The following TAF1A variants were observed in gnomAD, a reference collection of about 807,000 sequenced individuals.
TAF1A encodes the protein TATA-box binding protein associated factor, RNA polymerase I subunit A, also known as TATA box-binding protein-associated factor RNA polymerase I subunit A.
TAF1A carries 42 observed loss-of-function variants against 61.6 expected under a neutral mutation model. The ratio of observed to expected loss-of-function variants is 0.68; its 90% CI spans 0.53 to 0.88. The LOEUF (loss-of-function observed/expected upper bound fraction) is 0.88. Ranked by LOEUF, TAF1A falls within the 40% of genes least tolerant of loss-of-function variation. The pLI is 0.00. For synonymous variants in TAF1A, 179 were observed against 177.7 expected (o/e 1.01, Z -0.06); for missense variants, 424 against 518.7 (o/e 0.82, Z 1.77).
rs534442583 is a variant in TAF1A, at chr1:222,570,541, A to C, written c.729T>G (p.Tyr243Ter). ...TAATGAAAATTCTACTTACTTCTACATAACTCTTCACAAAAGGGTCCCAAA... is the reference window on the plus strand; with the variant it reads ...TAATGAAAATTCTACTTACTTCTACCTAACTCTTCACAAAAGGGTCCCAAA... ...PGVWDPFVKS[Y>*]VEMLEFYGDR... The change falls in exon 6 of 11, where the codon TAT becomes TAG. Residue 243 changes from tyrosine to a stop codon, truncating the protein, a stop_gained. Transcript: ENST00000352967. LOFTEE classifies it high-confidence loss of function. 1.9e-6 allele frequency: 3 copies of C among 1,610,040 alleles called. No individual in the cohort carries two copies. Among genetic ancestry groups the C allele is most frequent in the Non-Finnish European group, 1.7e-6 (2 of 1,177,270 alleles).
chr1:222,580,035 ACTTC>A (rs1474798184), intron 3 of TAF1A, 163 bp from the exon 4 acceptor site: 2 of 744,754 alleles, frequency 2.7e-6, no homozygotes, highest in Admixed American at 7.0e-5. Context: ...AATTAATACT[ACTTC>A]CTTATGTGAT....
chr1:222,555,363 T>C (rs114889169), downstream of TAF1A, among the ~76,000 whole-genome samples: 562 of 152,332 alleles, frequency 3.7e-3, 3 homozygotes, highest in African/African-American at 0.013. Context: ...GTTTATAAAA[T>C]TACAATTACA....
At chr1:222,555,986 A>T (rs956159172), downstream of TAF1A, among the ~76,000 whole-genome samples, 1 of 152,112 alleles carries the variant, frequency 6.6e-6, no homozygotes, top group Non-Finnish European at 1.5e-5. Flanking sequence ...ATTTCAGCTC[A>T]CTGCTTATAT....
At chr1:222,580,586 A>G (rs1263978640) in intron 3 of TAF1A, among the ~76,000 whole-genome samples, 1 of 152,102 alleles carries the variant, frequency 6.6e-6, no homozygotes, top group Non-Finnish European at 1.5e-5. Flanking sequence ...ACACACTATC[A>G]CTGCTATAGT....
chr1:222,567,968 A>T (rs964753907), intron 7 of TAF1A, among the ~76,000 whole-genome samples: 1 of 152,094 alleles, frequency 6.6e-6, no homozygotes, highest in Non-Finnish European at 1.5e-5. Flanking sequence ...TTGAGGTGGA[A>T]ATATACATCA....
intron 9 of TAF1A, among the ~76,000 whole-genome samples, chr1:222,562,861 G>A (rs1237504304): frequency 6.6e-6 from 1 of 152,138 alleles, no homozygotes; most frequent in Non-Finnish European, 1.5e-5. Flanking sequence ...AAATCACAAA[G>A]AGTCTTTAGC....
chr1:222,563,636 C>T (rs1660000752), intron 8 of TAF1A, among the ~76,000 whole-genome samples: 1 of 152,200 alleles, frequency 6.6e-6, no homozygotes, highest in Non-Finnish European at 1.5e-5. Flanking sequence ...GGAACCTAGG[C>T]AGTCCTAGGA....
At chr1:222,559,913 A>C (rs1435716697) in intron 10 of TAF1A, among the ~76,000 whole-genome samples, 1 of 152,226 alleles carries the variant, frequency 6.6e-6, no homozygotes, top group Non-Finnish European at 1.5e-5. Context: ...AAAAAACAAA[A>C]TACTTTGCAC....
chr1:222,582,332 T>C (rs1232486667), intron 3 of TAF1A, among the ~76,000 whole-genome samples: 1 of 152,238 alleles, frequency 6.6e-6, no homozygotes, highest in Admixed American at 6.5e-5. Flanking sequence ...TGATCTGATA[T>C]GTTTTAAAAA....
intron 5 of TAF1A, among the ~76,000 whole-genome samples, chr1:222,576,096 T>A (rs916527696): frequency 9.9e-5 from 15 of 152,072 alleles, no homozygotes; most frequent in Admixed American, 6.6e-5. Context: ...ATGAAAAAAC[T>A]TAGCACAATT....
chr1:222,569,348 A>T (rs1370839001), intron 7 of TAF1A, 162 bp downstream of exon 7: 1 of 1,537,320 alleles, frequency 6.5e-7, no homozygotes, highest in African/African-American at 1.4e-5. Flanking sequence ...GATGATACAT[A>T]CATGGAGATG....
At position 222,559,320 on chromosome 1, in the gene TAF1A, T is replaced by C. The variant is rs80291548; in HGVS notation, c.1241-548A>G. On this transcript the variant is annotated intron_variant, in intron 10 of 10. Coordinates refer to ENST00000352967, the MANE Select transcript of TAF1A (RefSeq NM_005681.4). ...ACGGTCAAACATTATCTATTCATTCTAGCCATGTAGAGAGCAGCAAGGTGG... is the reference window on the plus strand; with the variant it reads ...ACGGTCAAACATTATCTATTCATTCCAGCCATGTAGAGAGCAGCAAGGTGG... Among the ~76,000 whole-genome samples, 457 of 152,362 alleles carry C rather than the reference T, an allele frequency of 3.0e-3. 15 individuals carry two copies. In the East Asian group the frequency reaches 0.067, roughly 22 times the overall value.
chr1:222,583,922 T>C (rs1049157596), intron 3 of TAF1A, among the ~76,000 whole-genome samples: 4 of 151,786 alleles, frequency 2.6e-5, no homozygotes, highest in South Asian at 2.1e-4. Flanking sequence ...GGAAGAATTA[T>C]TGGAATGAAC....
intron 7 of TAF1A, among the ~76,000 whole-genome samples, chr1:222,567,512 C>T (rs1193807328): frequency 6.6e-6 from 1 of 152,134 alleles, no homozygotes; most frequent in Non-Finnish European, 1.5e-5. Context: ...TATACAACAA[C>T]CCCATGAAAC....
At chr1:222,578,821 G>A (rs1660674027) in intron 4 of TAF1A, among the ~76,000 whole-genome samples, 1 of 152,150 alleles carries the variant, frequency 6.6e-6, no homozygotes, top group East Asian at 1.9e-4. Context: ...CCTGGTAAGC[G>A]GCAATAAGTG....
chr1:222,586,209 A>C (rs1271954607), intron 2 of TAF1A, among the ~76,000 whole-genome samples: 1 of 119,664 alleles, frequency 8.4e-6, no homozygotes. Context: ...CTCAATCAGA[A>C]GCTGCATTTT....
intron 3 of TAF1A, among the ~76,000 whole-genome samples, chr1:222,581,893 C>A (rs1660803225): frequency 6.6e-6 from 1 of 152,068 alleles, no homozygotes; most frequent in South Asian, 2.1e-4. Flanking sequence ...ATCGTTGGGA[C>A]CAGAAATGTT....
intron 2 of TAF1A, among the ~76,000 whole-genome samples, chr1:222,585,789 C>T (rs568769107): frequency 6.6e-6 from 1 of 151,840 alleles, no homozygotes; most frequent in Non-Finnish European, 1.5e-5. Context: ...ATAAAATGTC[C>T]ATCTATTAAA....
chr1:222,561,357 A>G lies in TAF1A; in HGVS notation c.1240+7T>C. 1 of 1,594,714 alleles carries G rather than the reference A, an allele frequency of 6.3e-7. No homozygotes were observed. Among genetic ancestry groups the G allele is most frequent in the South Asian group, 1.2e-5 (1 of 86,868 alleles). On this transcript the variant is annotated splice_region_variant and intron_variant, in intron 10 of 10. Coordinates refer to ENST00000352967, the MANE Select transcript of TAF1A (RefSeq NM_005681.4). ...GTGTCTAGATAAAACGAAAATAAAA[A>G]CTGTACCTTTTCCTAACAGTAAACC...
Sources: gnomAD v4.1 joint callset for allele counts (sites outside exome capture counted in the v4.1 genomes callset) on GRCh38, gnomAD v4.1.1 for gene constraint, MANE v1.5 for transcripts, NCBI Gene and HGNC (gene_info 2026-07-23, HGNC 2026-07-21) for gene names.